UTRN: variants seen among roughly 807,000 people sequenced by gnomAD.
UTRN encodes the protein utrophin.
Under a neutral mutation model 463.9 loss-of-function variants are expected in UTRN, and 283 were observed. The ratio of observed to expected loss-of-function variants is 0.61; its 90% confidence interval spans 0.55 to 0.67. The LOEUF (loss-of-function observed/expected upper bound fraction) is 0.67. Ranked by LOEUF, UTRN falls within the 30% of genes least tolerant of loss-of-function variation. The pLI is 0.00. For synonymous variants in UTRN, 1,442 were observed against 1,431.5 expected (o/e 1.01, Z -0.17); for missense variants, 3,922 against 4,084.3 (o/e 0.96, Z 1.08).
intron 66 of UTRN, among the ~76,000 whole-genome samples, chr6:144,821,991 T>G (rs1779646347): frequency 6.6e-6 from 1 of 152,066 alleles, no homozygotes; most frequent in Non-Finnish European, 1.5e-5. Context: ...AGTTTTCTAC[T>G]TTATAAAAAA....
chr6:144,483,051 T>A (rs1260591310), intron 27 of UTRN, among the ~76,000 whole-genome samples: 3 of 152,252 alleles, frequency 2.0e-5, no homozygotes, highest in African/African-American at 7.2e-5. Context: ...TTTACAACAA[T>A]TTAATTTACA....
chr6:144,774,183 G>A, intron 59 of UTRN, 107 bp from the exon 60 acceptor site: 1 of 1,105,232 alleles, frequency 9.0e-7, no homozygotes, highest in Non-Finnish European at 1.3e-6. Context: ...TTTATTTCAG[G>A]CAAACATAAT....
chr6:144,796,769 C>T (rs919345756), intron 63 of UTRN, among the ~76,000 whole-genome samples: 3 of 152,156 alleles, frequency 2.0e-5, no homozygotes, highest in African/African-American at 7.2e-5. Context: ...AAAAAAGGCT[C>T]ACACCGTGTC....
intron 65 of UTRN, among the ~76,000 whole-genome samples, chr6:144,819,584 T>A (rs1345366404): frequency 6.6e-6 from 1 of 152,092 alleles, no homozygotes; most frequent in African/African-American, 2.4e-5. Flanking sequence ...TCCCAGCTAC[T>A]CAGGAGGCTG....
intron 51 of UTRN, among the ~76,000 whole-genome samples, chr6:144,592,730 T>C (rs1412776156): frequency 6.6e-6 from 1 of 152,208 alleles, no homozygotes; most frequent in Non-Finnish European, 1.5e-5. Context: ...CCTGTTTACA[T>C]AACCACTACC....
At chr6:144,520,012 C>T (rs892862167) in intron 39 of UTRN, among the ~76,000 whole-genome samples, 1 of 152,146 alleles carries the variant, frequency 6.6e-6, no homozygotes, top group African/African-American at 2.4e-5. Context: ...GAGGAAAGTA[C>T]TACAAAGGTA....
Position 144,757,895 on chromosome 6 carries a change from C to T in UTRN, c.8435-34C>T, listed in dbSNP as rs1354333372. On this transcript the variant is annotated intron_variant, in intron 57 of 74. Coordinates refer to ENST00000367545, the MANE Select transcript of UTRN (RefSeq NM_007124.3). ...TTAAGGTGTAAGGCTTTTTGGTTTC[C>T]AACGTTTCCAATAATCTCCCTTTGT... 12 of 1,588,978 alleles carry T rather than the reference C, an allele frequency of 7.6e-6. 1 individual carries two copies. In the Admixed American group the frequency reaches 2.1e-4, roughly 28 times the overall value.
At chr6:144,372,158 T>A (rs1398137660) in intron 2 of UTRN, among the ~76,000 whole-genome samples, 1 of 152,258 alleles carries the variant, frequency 6.6e-6, no homozygotes, top group African/African-American at 2.4e-5. Context: ...CTGTTTCTTT[T>A]TAAGTTAATC....
intron 62 of UTRN, among the ~76,000 whole-genome samples, chr6:144,792,326 TC>T (rs1562917456): frequency 1.3e-5 from 2 of 152,080 alleles, no homozygotes; most frequent in Admixed American, 6.6e-5. Flanking sequence ...GTAGGGCAGA[TC>T]AACTGTGATC....
intron 53 of UTRN, among the ~76,000 whole-genome samples, chr6:144,710,476 A>T (rs1402367510): frequency 6.6e-6 from 1 of 152,240 alleles, no homozygotes; most frequent in East Asian, 1.9e-4. Context: ...TCCGTAGTGT[A>T]AATGCCCCAG....
intron 2 of UTRN, among the ~76,000 whole-genome samples, chr6:144,346,902 CTATCATCT>C (rs1265636529): frequency 6.6e-6 from 1 of 151,922 alleles, no homozygotes; most frequent in Non-Finnish European, 1.5e-5. Flanking sequence ...ATCTATCTAT[CTATCATCT>C]ATCTATCTAT....
At chr6:144,513,537 A>C (rs1411020736) in intron 35 of UTRN, among the ~76,000 whole-genome samples, 2 of 152,208 alleles carry the variant, frequency 1.3e-5, no homozygotes, top group Non-Finnish European at 2.9e-5. Context: ...TGACAGAGCA[A>C]GACTCCATCT....
intron 51 of UTRN, among the ~76,000 whole-genome samples, chr6:144,625,167 C>T (rs1332545260): frequency 6.6e-6 from 1 of 152,060 alleles, no homozygotes; most frequent in Non-Finnish European, 1.5e-5. Flanking sequence ...GTGTGATGCC[C>T]CCTGTAAAGA....
chr6:144,814,019 T>G (rs950351658), intron 65 of UTRN, among the ~76,000 whole-genome samples: 3 of 152,138 alleles, frequency 2.0e-5, no homozygotes, highest in Non-Finnish European at 4.4e-5. Context: ...TGTTCCTACG[T>G]GCTGGTAGAG....
At chr6:144,407,881 A>G (rs1783550827) in intron 3 of UTRN, among the ~76,000 whole-genome samples, 1 of 152,224 alleles carries the variant, frequency 6.6e-6, no homozygotes, top group Non-Finnish European at 1.5e-5. Context: ...GATTTTTAAA[A>G]GTTATGAAGA....
At chr6:144,408,423 C>T (rs1223297711) in intron 3 of UTRN, among the ~76,000 whole-genome samples, 1 of 152,234 alleles carries the variant, frequency 6.6e-6, no homozygotes, top group African/African-American at 2.4e-5. Context: ...GCTCATCTGG[C>T]AGAGCTGAAA....
At chr6:144,481,393 T>A (rs1433220704) in intron 26 of UTRN, among the ~76,000 whole-genome samples, 1 of 152,242 alleles carries the variant, frequency 6.6e-6, no homozygotes, top group Non-Finnish European at 1.5e-5. Flanking sequence ...TATTTCTGGA[T>A]CAGATCATCT....
At chr6:144,375,729 T>A (rs1780395060) in intron 2 of UTRN, among the ~76,000 whole-genome samples, 1 of 152,206 alleles carries the variant, frequency 6.6e-6, no homozygotes, top group East Asian at 1.9e-4. Flanking sequence ...GTTGGTGGAA[T>A]CTAGCCTTGC....
At chr6:144,461,512 G>C (rs1248509658) in intron 22 of UTRN, among the ~76,000 whole-genome samples, 170 bp downstream of exon 22, 2 of 152,138 alleles carry the variant, frequency 1.3e-5, no homozygotes. Flanking sequence ...ATAAAAGAAA[G>C]TACAGTTATT....
Sources: allele counts gnomAD v4.1 joint callset (sites outside exome capture counted in the v4.1 genomes callset), GRCh38; gene constraint gnomAD v4.1.1; transcripts MANE v1.5; gene names NCBI Gene and HGNC (gene_info 2026-07-23, HGNC 2026-07-21).